The following CHD7 variants were observed in gnomAD, a reference collection of about 807,000 sequenced individuals.
CHD7 encodes the protein chromodomain helicase DNA binding protein 7, also known as ATP-dependent chromatin remodeler CHD7.
Under a neutral mutation model 307.3 loss-of-function variants are expected in CHD7, and 24 were observed. That is an observed-to-expected ratio of 0.08 (90% CI 0.06 to 0.11). CHD7 has a LOEUF of 0.11. Among genes scored for constraint, CHD7 ranks in the 10% least tolerant of loss-of-function variants. The pLI, the probability that CHD7 is intolerant of heterozygous loss-of-function variation, is 1.00. For missense variants in CHD7, 3,106 were observed against 3,727.1 expected, an observed-to-expected ratio of 0.83 and a Z score of 4.34; for synonymous variants, 1,363 against 1,349.9, an observed-to-expected ratio of 1.01 and a Z score of -0.21.
chr8:60,705,431 C>G (rs1337517472), intron 1 of CHD7, among the ~76,000 whole-genome samples: 1 of 152,188 alleles, frequency 6.6e-6, no homozygotes, highest in Non-Finnish European at 1.5e-5. Flanking sequence ...TTTCACAGTA[C>G]TCGTTTGATA....
chr8:60,719,622 TA>T (rs1807795723), intron 1 of CHD7, among the ~76,000 whole-genome samples: 1 of 152,082 alleles, frequency 6.6e-6, no homozygotes, highest in African/African-American at 2.4e-5. Flanking sequence ...CCTGGGGTAA[TA>T]AAAGTGTACA....
At chr8:60,681,789 A>G (rs1271713788) in intron 1 of CHD7, among the ~76,000 whole-genome samples, 1 of 151,888 alleles carries the variant, frequency 6.6e-6, no homozygotes, top group Non-Finnish European at 1.5e-5. Flanking sequence ...TTCTCTTTAT[A>G]TTTTCTAATT....
chr8:60,775,919 G>A (rs959301969), intron 2 of CHD7, among the ~76,000 whole-genome samples: 3 of 145,970 alleles, frequency 2.1e-5, no homozygotes, highest in Admixed American at 6.7e-5. Context: ...CACCACGCCC[G>A]GCTAATTTTT....
intron 4 of CHD7, among the ~76,000 whole-genome samples, chr8:60,795,393 A>G (rs546330004): frequency 2.8e-4 from 43 of 152,230 alleles, no homozygotes; most frequent in South Asian, 1.2e-3. Context: ...ATTTCTGTAA[A>G]TGTATATTTT....
chr8:60,768,378 T>G (rs530016759), intron 2 of CHD7, among the ~76,000 whole-genome samples: 1 of 152,224 alleles, frequency 6.6e-6, no homozygotes, highest in Non-Finnish European at 1.5e-5. Flanking sequence ...AAACCAAACC[T>G]AATATTAAAT....
Position 60,866,061 on chromosome 8 carries a change from G to T in CHD7, c.*128G>T. On this transcript the variant is annotated 3_prime_UTR_variant, in exon 38 of 38. Coordinates refer to ENST00000423902, the MANE Select transcript of CHD7 (RefSeq NM_017780.4). ...GTAACATAGTGTAGCAAAAAAAAAA[G>T]TTCAAGTCATGTTATACAGGTGTGT... 1 of 819,698 alleles carries T rather than the reference G, an allele frequency of 1.2e-6. No individual in the cohort carries two copies. Among genetic ancestry groups the T allele is most frequent in the Non-Finnish European group, 1.9e-6 (1 of 524,346 alleles). The allele number at this position is 819,698 out of a possible 1,614,324, so 50.8% of individuals were successfully genotyped here. A position where few individuals can be genotyped will look rare whatever the true frequency, so the allele number is the denominator to read the frequency against.
intron 6 of CHD7, among the ~76,000 whole-genome samples, chr8:60,807,760 A>G (rs1158399133): frequency 1.3e-5 from 2 of 152,246 alleles, no homozygotes; most frequent in Middle Eastern, 3.2e-3. Context: ...GGAGAAATAA[A>G]TGTCTTTTAA....
chr8:60,714,156 C>A (rs1355987809), intron 1 of CHD7, among the ~76,000 whole-genome samples: 1 of 151,940 alleles, frequency 6.6e-6, no homozygotes, highest in Non-Finnish European at 1.5e-5. Context: ...CGCGCGAGGA[C>A]ATGAGGACGG....
At chr8:60,749,756 C>T (rs1809535392) in intron 2 of CHD7, among the ~76,000 whole-genome samples, 1 of 152,232 alleles carries the variant, frequency 6.6e-6, no homozygotes, top group Non-Finnish European at 1.5e-5. Context: ...TGCTTTCTCA[C>T]TTGCTGTGGC....
intron 14 of CHD7, among the ~76,000 whole-genome samples, chr8:60,830,051 C>T (rs1465053548): frequency 6.6e-6 from 1 of 152,178 alleles, no homozygotes; most frequent in Non-Finnish European, 1.5e-5. Context: ...CTACATGAAT[C>T]AGTTGGATTT....
At chr8:60,764,073 C>T (rs1810353373) in intron 2 of CHD7, among the ~76,000 whole-genome samples, 3 of 152,212 alleles carry the variant, frequency 2.0e-5, no homozygotes, top group South Asian at 4.1e-4. Context: ...CTGCAAGCTC[C>T]GCCTCCCGGG....
In CHD7 at chr8:60,794,597, A is replaced by G. The variant is rs575508312; in HGVS notation, c.2097-389A>G. On this transcript the variant is annotated intron_variant, in intron 3 of 37. Transcript: ENST00000423902. ...ACTTAAGTATGTAAAACTATCCACA[A>G]AAGGCACAAAGAGAAGATCATGATA... Among the ~76,000 whole-genome samples, 11 of 152,342 alleles carry G rather than the reference A, an allele frequency of 7.2e-5. No individual in the cohort carries two copies. The East Asian group carries it at 1.9e-3, about 27-fold the overall frequency.
At chr8:60,785,025 T>C (rs961208844) in intron 3 of CHD7, among the ~76,000 whole-genome samples, 1 of 152,194 alleles carries the variant, frequency 6.6e-6, no homozygotes, top group African/African-American at 2.4e-5. Flanking sequence ...ATTTGTGGGT[T>C]GGAGAGGATA....
intron 1 of CHD7, among the ~76,000 whole-genome samples, chr8:60,719,382 AGATAGATT>A (rs1807783890): frequency 6.6e-6 from 1 of 152,250 alleles, no homozygotes; most frequent in African/African-American, 2.4e-5. Flanking sequence ...AGATTTAGAT[AGATAGATT>A]GATTTTATGT....
chr8:60,748,445 G>A (rs1809444049), intron 2 of CHD7, among the ~76,000 whole-genome samples: 1 of 152,152 alleles, frequency 6.6e-6, no homozygotes, highest in Admixed American at 6.5e-5. Context: ...GCACTAGGAG[G>A]TGTTTTCAGC....
At chr8:60,702,389 G>T (rs1806808358) in intron 1 of CHD7, among the ~76,000 whole-genome samples, 1 of 152,114 alleles carries the variant, frequency 6.6e-6, no homozygotes, top group Non-Finnish European at 1.5e-5. Context: ...TTACTTTGGT[G>T]TAAATATAGT....
Position 60,856,640 on chromosome 8 carries a change from T to A in CHD7, c.7360T>A (p.Ser2454Thr). Residue 2454 changes from serine (S) to threonine (T), a missense_variant, in exon 34 of 38, where the codon TCT (serine) becomes ACT (threonine). Around this residue, in one of 10 missense-constraint regions of CHD7, gnomAD observed 1,030 missense variants for 1,165.4 expected, o/e 0.88. Transcript: ENST00000423902. Reference protein sequence around the residue: ...LSKASREATSSTSNFSSLSSK... With the variant: ...LSKASREATSTTSNFSSLSSK... Reference sequence around the variant, plus strand: ...AAAGGCCTCAAGAGAGGCAACAAGCTCTACCTCAAATTTTTCATCTCTTTC... The same window carrying A: ...AAAGGCCTCAAGAGAGGCAACAAGCACTACCTCAAATTTTTCATCTCTTTC... 6.2e-7 allele frequency: 1 copy of A among 1,614,022 alleles called. No individual in the cohort carries two copies. The highest frequency in any genetic ancestry group is 8.5e-7 in the Non-Finnish European group (1 of 1,179,892).
intron 1 of CHD7, among the ~76,000 whole-genome samples, chr8:60,701,750 A>C (rs1466469718): frequency 6.6e-6 from 1 of 152,282 alleles, no homozygotes; most frequent in African/African-American, 2.4e-5. Flanking sequence ...TAACAGTTCC[A>C]TGTGAACTTA....
chr8:60,769,269 A>G (rs993755726), intron 2 of CHD7, among the ~76,000 whole-genome samples: 2 of 152,198 alleles, frequency 1.3e-5, no homozygotes, highest in Non-Finnish European at 2.9e-5. Flanking sequence ...TTATAACCAT[A>G]TTTAAAAATG....
Sources: allele counts gnomAD v4.1 joint callset (sites outside exome capture counted in the v4.1 genomes callset), GRCh38; gene constraint gnomAD v4.1.1; regional missense constraint gnomAD v4.1.1; transcripts MANE v1.5; gene names NCBI Gene and HGNC (gene_info 2026-07-23, HGNC 2026-07-21).